Variants in TACC2 observed in about 807,000 individuals in gnomAD.
TACC2 encodes transforming acidic coiled-coil-containing protein 2.
A neutral mutation model predicts 227.3 loss-of-function variants in TACC2; 137 were observed. The ratio of observed to expected loss-of-function variants is 0.60; its 90% confidence interval spans 0.52 to 0.69. The LOEUF is 0.69. Ranked by LOEUF, TACC2 falls within the 30% of genes least tolerant of loss-of-function variation. The pLI is 0.00. For synonymous variants in TACC2, 1,523 were observed against 1,487.5 expected, an observed-to-expected ratio of 1.02 and a Z score of -0.55; for missense variants, 3,470 against 3,694.4, an observed-to-expected ratio of 0.94 and a Z score of 1.57.
intron 7 of TACC2, among the ~76,000 whole-genome samples, chr10:122,153,307 C>T (rs1267482036): frequency 6.6e-6 from 1 of 152,210 alleles, no homozygotes; most frequent in Non-Finnish European, 1.5e-5. Context: ...TATTTCATCT[C>T]ACTTAATGTG....
intron 19 of TACC2, among the ~76,000 whole-genome samples, chr10:122,243,530 G>T (rs1283546144): frequency 6.6e-6 from 1 of 152,072 alleles, no homozygotes; most frequent in Middle Eastern, 3.2e-3. Flanking sequence ...GCCCTTTCAT[G>T]TTTAGCCTCA....
intron 11 of TACC2, among the ~76,000 whole-genome samples, chr10:122,224,393 G>T (rs112597503): frequency 1.3e-5 from 2 of 152,156 alleles, no homozygotes; most frequent in Non-Finnish European, 2.9e-5. Context: ...CAGAATGCAC[G>T]TGCTGTCTTA....
chr10:122,131,488 A>G (rs1386486439), intron 5 of TACC2, among the ~76,000 whole-genome samples: 1 of 152,228 alleles, frequency 6.6e-6, no homozygotes, highest in Admixed American at 6.5e-5. Flanking sequence ...CTTTCAGTCC[A>G]TAAAGGACCA....
At chr10:122,114,991 C>A (rs1354633744) in intron 5 of TACC2, among the ~76,000 whole-genome samples, 1 of 152,224 alleles carries the variant, frequency 6.6e-6, no homozygotes, top group Non-Finnish European at 1.5e-5. Flanking sequence ...TCAAAGAAGT[C>A]CAGGGTCTTG....
In TACC2 at chr10:122,254,298, G is replaced by A; in HGVS notation, c.*242G>A. 2 of 536,732 alleles carry A rather than the reference G, an allele frequency of 3.7e-6. No individual in the cohort carries two copies. The highest frequency in any genetic ancestry group is 6.8e-6 in the Non-Finnish European group (2 of 294,408). The allele number at this position is 536,732 out of a possible 1,614,324, so 33.2% of individuals were successfully genotyped here. On this transcript the variant is annotated 3_prime_UTR_variant, in exon 23 of 23. Coordinates refer to ENST00000369005, the MANE Select transcript of TACC2 (RefSeq NM_206862.4). ...AGTTGACCTCAGAGTTCCTGTATCA[G>A]GGAGATTGTCTGATTCTCTAATAAA...
Position 122,238,023 on chromosome 10 carries a change from A to G in TACC2, c.8334A>G (p.Glu2778=). The change falls in exon 18 of 23, where the codon GAA becomes GAG. Residue 2778 remains glutamate, a synonymous_variant. Transcript: ENST00000369005. ...ATAAATATGAAGAAAGCAGGCGGGA[A>G]GTGATGGAAATGAGGTCAGTTGGGG... ...WKDKYEESRR[E]VMEMRKIVAE... is the part of the protein sequence containing the mutation. The G allele has an allele frequency of 6.2e-7, 1 of 1,614,112 alleles. No homozygotes were observed. The highest frequency in any genetic ancestry group is 8.5e-7 in the Non-Finnish European group (1 of 1,179,980).
intron 7 of TACC2, among the ~76,000 whole-genome samples, chr10:122,173,682 A>T (rs1032221360): frequency 9.9e-5 from 15 of 152,242 alleles, no homozygotes; most frequent in Non-Finnish European, 2.2e-4. Flanking sequence ...CAAGAAAGGA[A>T]AACATGTCTG....
chr10:122,129,274 T>C (rs1461092522), intron 5 of TACC2, among the ~76,000 whole-genome samples: 1 of 151,814 alleles, frequency 6.6e-6, no homozygotes, highest in East Asian at 1.9e-4. Flanking sequence ...GCCAGGCTCG[T>C]CTCGAACTCT....
At position 122,084,843 on chromosome 10, in the gene TACC2, C is replaced by A; in HGVS notation, c.2343C>A (p.Pro781=). The change falls in exon 4 of 23, where the codon CCC becomes CCA. Residue 781 remains proline, a synonymous_variant. Transcript: ENST00000369005. ...RQEFHAGVPH[P]PQGENLAADL... is the part of the protein sequence containing the mutation. ...AATTTCATGCTGGGGTGCCACATCCCCCCCAGGGGGAGAACTTGGCAGCAG... is the reference window on the plus strand; with the variant it reads ...AATTTCATGCTGGGGTGCCACATCCACCCCAGGGGGAGAACTTGGCAGCAG... 6.2e-7 allele frequency: 1 copy of A among 1,613,870 alleles called. No homozygotes were observed. The highest frequency in any genetic ancestry group is 1.1e-5 in the South Asian group (1 of 91,086).
intron 11 of TACC2, among the ~76,000 whole-genome samples, chr10:122,220,498 T>TC (rs2095502696): frequency 6.6e-6 from 1 of 151,624 alleles, no homozygotes; most frequent in Non-Finnish European, 1.5e-5. Flanking sequence ...ACACCCAGGG[T>TC]CCCCCCAGCA....
chr10:122,016,449 C>T (rs1313157235), intron 1 of TACC2, among the ~76,000 whole-genome samples: 1 of 151,818 alleles, frequency 6.6e-6, no homozygotes, highest in Non-Finnish European at 1.5e-5. Flanking sequence ...TTCCTGTAGT[C>T]CCAGCTCCTC....
At chr10:122,217,064 C>T in intron 11 of TACC2, 1 of 737,960 alleles carries the variant, frequency 1.4e-6, no homozygotes, top group South Asian at 1.9e-5. Flanking sequence ...ACGGTGCCCT[C>T]TAACTCCACC....
intron 5 of TACC2, among the ~76,000 whole-genome samples, chr10:122,119,633 G>A (rs1236942743): frequency 1.3e-5 from 2 of 152,172 alleles, no homozygotes; most frequent in African/African-American, 4.8e-5. Context: ...AGAACATCAG[G>A]CTGGGTATCG....
chr10:122,030,952 C>T (rs1958871178), intron 2 of TACC2, among the ~76,000 whole-genome samples: 1 of 152,090 alleles, frequency 6.6e-6, no homozygotes, highest in Admixed American at 6.5e-5. Flanking sequence ...TGTGATCCCC[C>T]TCTTGGGTAC....
At chr10:122,132,872 T>C in intron 6 of TACC2, 138 bp downstream of exon 6, 1 of 832,020 alleles carries the variant, frequency 1.2e-6, no homozygotes, top group East Asian at 2.7e-5. Flanking sequence ...ACACACAGGG[T>C]GTGCACACCT....
At chr10:122,033,024 C>A in intron 2 of TACC2, 1 of 1,009,250 alleles carries the variant, frequency 9.9e-7, no homozygotes, top group Non-Finnish European at 1.3e-6. Context: ...CCCACAAAAA[C>A]ACCAAAGATT....
At chr10:122,204,380 G>A (rs950231802) in intron 8 of TACC2, among the ~76,000 whole-genome samples, 23 of 152,216 alleles carry the variant, frequency 1.5e-4, no homozygotes, top group Non-Finnish European at 2.6e-4. Flanking sequence ...AACCGGCTGA[G>A]CCCTTGTGCT....
At chr10:122,154,274 C>T (rs547719248) in intron 7 of TACC2, among the ~76,000 whole-genome samples, 1 of 152,364 alleles carries the variant, frequency 6.6e-6, no homozygotes, top group African/African-American at 2.4e-5. Context: ...ACAAAGGAGC[C>T]GTCCCATACT....
chr10:122,111,656 A>ATT (rs370548871), intron 5 of TACC2, among the ~76,000 whole-genome samples: 13,956 of 147,468 alleles, frequency 0.095, 1,056 homozygotes, highest in African/African-American at 0.21. Flanking sequence ...ATGCCCAGCT[A>ATT]TTTTTTTTTT....
Sources: allele counts gnomAD v4.1 joint callset (sites outside exome capture counted in the v4.1 genomes callset), GRCh38; gene constraint gnomAD v4.1.1; transcripts MANE v1.5; gene names NCBI Gene and HGNC (gene_info 2026-07-23, HGNC 2026-07-21).